Variants in NRG2 observed in about 807,000 individuals in gnomAD.
The protein encoded by NRG2 is neuregulin 2.
In NRG2, 27 loss-of-function variants were observed where a neutral mutation model predicts 73.9. The observed-to-expected ratio is 0.37, with a 90% CI of 0.27 to 0.50. The LOEUF is 0.50. Ranked by LOEUF, NRG2 falls within the 20% of genes least tolerant of loss-of-function variation. The pLI, the probability that NRG2 is intolerant of heterozygous loss-of-function variation, is 0.96. For synonymous variants in NRG2, 532 were observed against 541.0 expected (o/e 0.98, Z 0.23); for missense variants, 1,126 against 1,210.1 (o/e 0.93, Z 1.03).
rs868506586 is a variant in NRG2, at chr5:139,851,860, G to A, written c.1545-29C>T. 2 of 1,603,186 alleles carry A rather than the reference G, an allele frequency of 1.2e-6. No individual in the cohort carries two copies. The highest frequency in any genetic ancestry group is 8.5e-7 in the Non-Finnish European group (1 of 1,171,698). On this transcript the variant is annotated intron_variant, in intron 8 of 9. Coordinates refer to ENST00000361474, the MANE Select transcript of NRG2 (RefSeq NM_004883.3). The surrounding 1 kb of genome is among the most constrained non-coding windows in gnomAD (Gnocchi z 4.2). ...GGAAGGCCAGATGGGGTGAGACGAG[G>A]GGTCAGGAAGGGGCAGGGCGGCCCA...
intron 1 of NRG2, among the ~76,000 whole-genome samples, chr5:139,934,081 C>T (rs1253604905): frequency 6.6e-6 from 1 of 152,092 alleles, no homozygotes; most frequent in African/African-American, 2.4e-5. Context: ...TGCCTGTGGT[C>T]CCAGCTACTA....
rs1253884638 is a variant in NRG2, at chr5:139,865,236, C to A, written c.1189+313G>T. The A allele has an allele frequency of 2.2e-6, 3 of 1,384,686 alleles. No individual in the cohort carries two copies. Among genetic ancestry groups the A allele is most frequent in the East Asian group, 2.3e-5 (1 of 43,578 alleles). The allele number at this position is 1,384,686 out of a possible 1,614,324, so 85.8% of individuals were successfully genotyped here. On this transcript the variant is annotated intron_variant, in intron 5 of 9. Coordinates refer to ENST00000361474, the MANE Select transcript of NRG2 (RefSeq NM_004883.3). This position sits in a 1 kb window ranked among gnomAD's most constrained non-coding sequence, Gnocchi z 5.2. ...ATAGCAAGACACAGGCATTGCAACA[C>A]CCCGGCACGGGCTCCTGCCAATGCC...
At chr5:139,957,551 G>A (rs532027292) in intron 1 of NRG2, among the ~76,000 whole-genome samples, 1 of 152,304 alleles carries the variant, frequency 6.6e-6, no homozygotes, top group South Asian at 2.1e-4. Flanking sequence ...TGGGAGTCCA[G>A]TGTTCTTTCC....
intron 1 of NRG2, among the ~76,000 whole-genome samples, chr5:139,944,063 C>A (rs1753610428): frequency 6.6e-6 from 1 of 151,432 alleles, no homozygotes; most frequent in African/African-American, 2.4e-5. Flanking sequence ...TTTTTTTCAA[C>A]CCCTAAAAAA....
In NRG2 at chr5:140,042,398, C is replaced by G. The variant is rs756614227; in HGVS notation, c.672G>C (p.Glu224Asp). Residue 224 changes from glutamate to aspartate, a missense_variant, in exon 1 of 10, where the codon GAG becomes GAC. Physicochemically the swap from Glu to Asp is conservative, Grantham distance 45. Coordinates refer to ENST00000361474, the MANE Select transcript of NRG2 (RefSeq NM_004883.3). ...LDTNGKNLKK[E>D]VGKILCTDCA... is the part of the protein sequence containing the mutation. ...AGTCAGTGCACAGGATCTTGCCCACCTCTTTCTTGAGATTTTTGCCGTTGG... is the reference window on the plus strand; with the variant it reads ...AGTCAGTGCACAGGATCTTGCCCACGTCTTTCTTGAGATTTTTGCCGTTGG... The G allele has an allele frequency of 6.3e-7, 1 of 1,594,040 alleles. No individual in the cohort carries two copies. The highest frequency in any genetic ancestry group is 1.3e-5 in the African/African-American group (1 of 74,406).
intron 1 of NRG2, among the ~76,000 whole-genome samples, chr5:139,920,276 G>A: frequency 6.6e-6 from 1 of 152,184 alleles, no homozygotes; most frequent in East Asian, 1.9e-4. Context: ...ATCTTCCTGT[G>A]AGAATTAAAT....
chr5:140,027,695 A>G (rs1017588265), intron 1 of NRG2, among the ~76,000 whole-genome samples: 1 of 152,242 alleles, frequency 6.6e-6, no homozygotes, highest in Non-Finnish European at 1.5e-5. Flanking sequence ...ATGTGTAGGA[A>G]AAACATAGTA....
intron 1 of NRG2, among the ~76,000 whole-genome samples, chr5:139,956,785 G>T (rs1754657741): frequency 3.9e-5 from 6 of 152,202 alleles, no homozygotes; most frequent in Admixed American, 3.9e-4. Context: ...AAATGGAAAG[G>T]CACTGTAGGT....
intron 1 of NRG2, among the ~76,000 whole-genome samples, chr5:140,001,641 C>T (rs534579929): frequency 1.3e-4 from 19 of 151,110 alleles, no homozygotes; most frequent in Admixed American, 1.1e-3. Flanking sequence ...GTGGGAGGAT[C>T]GCTTGAGGCC....
intron 1 of NRG2, among the ~76,000 whole-genome samples, chr5:139,950,237 G>A (rs996839339): frequency 3.3e-5 from 5 of 152,164 alleles, no homozygotes; most frequent in Admixed American, 6.5e-5. Flanking sequence ...GGACACAGAC[G>A]ATTAATGCTG....
intron 1 of NRG2, among the ~76,000 whole-genome samples, chr5:140,037,035 C>T (rs1004998861): frequency 2.0e-5 from 3 of 152,206 alleles, no homozygotes; most frequent in Non-Finnish European, 2.9e-5. Context: ...TTACTTTAAA[C>T]GTACTTCAGA....
chr5:140,013,451 G>A (rs985322721), intron 1 of NRG2, among the ~76,000 whole-genome samples: 7 of 152,160 alleles, frequency 4.6e-5, no homozygotes, highest in African/African-American at 1.7e-4. Context: ...GATGAATGGT[G>A]GTGATGGTTG....
At chr5:140,041,666 T>TTAA (rs1761927133) in intron 1 of NRG2, among the ~76,000 whole-genome samples, 1 of 92,002 alleles carries the variant, frequency 1.1e-5, no homozygotes, top group Non-Finnish European at 2.3e-5. Flanking sequence ...CAGAAACAGC[T>TTAA]AAAAAAAAAA....
intron 1 of NRG2, among the ~76,000 whole-genome samples, chr5:140,013,688 A>G (rs1273100883): frequency 6.6e-6 from 1 of 152,204 alleles, no homozygotes; most frequent in Non-Finnish European, 1.5e-5. Flanking sequence ...ATCTACTTAC[A>G]TGAAGCTTTA....
At chr5:139,974,701 C>T (rs1486040016) in intron 1 of NRG2, among the ~76,000 whole-genome samples, 1 of 152,188 alleles carries the variant, frequency 6.6e-6, no homozygotes. Flanking sequence ...TTTCTCTTCT[C>T]CCCGTAGATC....
chr5:140,000,886 A>T (rs1005398126), intron 1 of NRG2, among the ~76,000 whole-genome samples: 1 of 152,180 alleles, frequency 6.6e-6, no homozygotes. Context: ...TCCCCTCTTC[A>T]AAAACGTCAG....
At chr5:139,855,948 T>C (rs1761781214) in intron 5 of NRG2, among the ~76,000 whole-genome samples, 170 bp from the exon 6 acceptor site, 1 of 152,208 alleles carries the variant, frequency 6.6e-6, no homozygotes, top group Non-Finnish European at 1.5e-5. Flanking sequence ...ACATGCTCTG[T>C]TTTGCCTTCC....
intron 1 of NRG2, among the ~76,000 whole-genome samples, chr5:139,893,736 T>C (rs924387740): frequency 3.9e-5 from 6 of 152,324 alleles, no homozygotes; most frequent in African/African-American, 1.4e-4. Context: ...AAGGGTTCAC[T>C]GGAGTTGAGG....
At chr5:139,943,532 G>C (rs1753565646) in intron 1 of NRG2, among the ~76,000 whole-genome samples, 1 of 152,166 alleles carries the variant, frequency 6.6e-6, no homozygotes, top group Admixed American at 6.5e-5. Flanking sequence ...TTTCTTGTCT[G>C]TGAGCTGGGA....
Sources: allele counts gnomAD v4.1 joint callset (sites outside exome capture counted in the v4.1 genomes callset), GRCh38; gene constraint gnomAD v4.1.1; non-coding constraint Gnocchi (gnomAD v3.1); transcripts MANE v1.5; gene names NCBI Gene and HGNC (gene_info 2026-07-23, HGNC 2026-07-21).